The following ARHGAP15 variants were observed in gnomAD, a reference collection of about 807,000 sequenced individuals.
ARHGAP15 encodes the protein rho GTPase-activating protein 15.
ARHGAP15 carries 51 observed loss-of-function variants against 63.7 expected under a neutral mutation model. That is an observed-to-expected ratio of 0.80 (90% CI 0.64 to 1.01). ARHGAP15 has a LOEUF of 1.01. Ranked by LOEUF, ARHGAP15 falls within the 50% of genes least tolerant of loss-of-function variation. The pLI, the probability that ARHGAP15 is intolerant of heterozygous loss-of-function variation, is 0.00. For synonymous variants in ARHGAP15, 191 were observed against 193.8 expected (o/e 0.99, Z 0.12); for missense variants, 560 against 564.6 (o/e 0.99, Z 0.08).
At chr2:143,693,764 G>T (rs1683718581) in intron 12 of ARHGAP15, among the ~76,000 whole-genome samples, 1 of 152,188 alleles carries the variant, frequency 6.6e-6, no homozygotes, top group Non-Finnish European at 1.5e-5. Context: ...AAAGAAATTT[G>T]TTGGAGGAAT....
chr2:143,199,137 A>G (rs1692003843), intron 2 of ARHGAP15, among the ~76,000 whole-genome samples: 1 of 152,168 alleles, frequency 6.6e-6, no homozygotes. Context: ...TCCTGAGAAG[A>G]AGCTGAAGTA....
intron 11 of ARHGAP15, among the ~76,000 whole-genome samples, chr2:143,605,274 G>A (rs1393751945): frequency 1.3e-5 from 2 of 152,166 alleles, no homozygotes; most frequent in Non-Finnish European, 2.9e-5. Flanking sequence ...CTGAGATTAA[G>A]TGATAAGATT....
chr2:143,605,109 A>T (rs949460835), intron 11 of ARHGAP15, among the ~76,000 whole-genome samples: 1 of 152,020 alleles, frequency 6.6e-6, no homozygotes, highest in Admixed American at 6.6e-5. Context: ...GGATTTTACC[A>T]TGTTGGCCAG....
At chr2:143,307,143 G>A (rs1558880673) in intron 6 of ARHGAP15, among the ~76,000 whole-genome samples, 1 of 152,002 alleles carries the variant, frequency 6.6e-6, no homozygotes, top group African/African-American at 2.4e-5. Flanking sequence ...CTTCTATTTT[G>A]AGCCCTTTTT....
intron 6 of ARHGAP15, among the ~76,000 whole-genome samples, chr2:143,408,882 C>T (rs115295797): frequency 0.019 from 2,908 of 151,774 alleles, 26 homozygotes; most frequent in South Asian, 0.035. Flanking sequence ...AGAATGATAG[C>T]TTAAATTAAT....
intron 6 of ARHGAP15, among the ~76,000 whole-genome samples, chr2:143,335,695 CAG>C (rs1199507533): frequency 6.6e-6 from 1 of 152,130 alleles, no homozygotes; most frequent in Non-Finnish European, 1.5e-5. Context: ...GCAGAAAAGA[CAG>C]ACAAAAAAGC....
chr2:143,348,774 GT>G (rs1685420044), intron 6 of ARHGAP15, among the ~76,000 whole-genome samples: 1 of 152,096 alleles, frequency 6.6e-6, no homozygotes, highest in African/African-American at 2.4e-5. Context: ...AATGGTGATA[GT>G]TTTTCCCATG....
intron 6 of ARHGAP15, among the ~76,000 whole-genome samples, chr2:143,372,564 T>A (rs1686609631): frequency 6.6e-6 from 1 of 152,136 alleles, no homozygotes; most frequent in African/African-American, 2.4e-5. Flanking sequence ...TCATATTGTA[T>A]ATTCCAAAGG....
intron 12 of ARHGAP15, among the ~76,000 whole-genome samples, chr2:143,641,511 T>C (rs1467779877): frequency 1.3e-5 from 2 of 152,158 alleles, no homozygotes; most frequent in Admixed American, 6.6e-5. Context: ...TCATGTTACA[T>C]CTCATCAAAA....
At position 143,611,422 on chromosome 2, in the gene ARHGAP15, C is replaced by A. The variant is rs375132040; in HGVS notation, c.1004-12711C>A. 3.3e-4 allele frequency among the ~76,000 whole-genome samples: 51 copies of A among 152,304 alleles called. 1 individual carries two copies. The highest frequency in any genetic ancestry group is 9.2e-4 in the Admixed American group (14 of 15,296). ...TGAATTCGAGCAAGTTATTTAATTT[C>A]TCTGGTCCTTAGTTCCTCACTTATA... On this transcript the variant is annotated intron_variant, in intron 11 of 13. Transcript: ENST00000295095.
chr2:143,644,333 C>A (rs1217658495), intron 12 of ARHGAP15, among the ~76,000 whole-genome samples: 1 of 151,988 alleles, frequency 6.6e-6, no homozygotes, highest in South Asian at 2.1e-4. Flanking sequence ...GGGCAGGACA[C>A]CCATCACATC....
intron 12 of ARHGAP15, among the ~76,000 whole-genome samples, chr2:143,653,356 C>A (rs999093307): frequency 8.6e-5 from 13 of 151,690 alleles, no homozygotes; most frequent in African/African-American, 2.9e-4. Flanking sequence ...GTTTTGGTAC[C>A]AGGACAATGC....
chr2:143,167,154 T>C (rs1690575604), intron 2 of ARHGAP15, among the ~76,000 whole-genome samples: 1 of 152,178 alleles, frequency 6.6e-6, no homozygotes, highest in Non-Finnish European at 1.5e-5. Flanking sequence ...CTTTGATCTT[T>C]GCTACTAGGG....
At chr2:143,641,744 C>A (rs1215881146) in intron 12 of ARHGAP15, among the ~76,000 whole-genome samples, 1 of 152,108 alleles carries the variant, frequency 6.6e-6, no homozygotes, top group African/African-American at 2.4e-5. Context: ...GAGACAAGGC[C>A]TGTTACTGCT....
intron 6 of ARHGAP15, among the ~76,000 whole-genome samples, chr2:143,320,408 A>C (rs74208593): frequency 0.4 from 10,257 of 25,824 alleles, 2,105 homozygotes; most frequent in African/African-American, 0.59. Flanking sequence ...GGACTTCCCC[A>C]CCCCCCCCCC....
At chr2:143,179,546 G>C (rs995315639) in intron 2 of ARHGAP15, among the ~76,000 whole-genome samples, 3 of 152,108 alleles carry the variant, frequency 2.0e-5, no homozygotes, top group Admixed American at 2.0e-4. Context: ...TAAAAGTTAT[G>C]TTTATACTAT....
At chr2:143,623,825 G>C (rs2105240500) in intron 11 of ARHGAP15, among the ~76,000 whole-genome samples, 1 of 152,316 alleles carries the variant, frequency 6.6e-6, no homozygotes, top group South Asian at 2.1e-4. Context: ...GAATCATGTT[G>C]AGCTGTGATG....
chr2:143,318,406 T>G (rs1321940435), intron 6 of ARHGAP15, among the ~76,000 whole-genome samples: 1 of 152,006 alleles, frequency 6.6e-6, no homozygotes, highest in Non-Finnish European at 1.5e-5. Context: ...CCTGTTGATT[T>G]AAGGCTCAAA....
intron 6 of ARHGAP15, 152 bp downstream of exon 6, chr2:143,250,752 A>G (rs1680114360): frequency 4.8e-6 from 3 of 622,740 alleles, no homozygotes; most frequent in Admixed American, 3.2e-5. Context: ...TCCCAGTTGA[A>G]TCTTTGGTTT....
Sources: gnomAD v4.1 joint callset for allele counts (sites outside exome capture counted in the v4.1 genomes callset) on GRCh38, gnomAD v4.1.1 for gene constraint, MANE v1.5 for transcripts, NCBI Gene and HGNC (gene_info 2026-07-23, HGNC 2026-07-21) for gene names.